The following ZBTB16 variants were observed in gnomAD, a reference collection of about 807,000 sequenced individuals.
ZBTB16 encodes the protein zinc finger and BTB domain-containing protein 16.
A neutral mutation model predicts 56.8 loss-of-function variants in ZBTB16; 8 were observed. The observed-to-expected ratio is 0.14, with a 90% CI of 0.08 to 0.25. The LOEUF is 0.25. Ranked by LOEUF, ZBTB16 falls within the 10% of genes least tolerant of loss-of-function variation. The pLI, the probability that ZBTB16 is intolerant of heterozygous loss-of-function variation, is 1.00. For synonymous variants in ZBTB16, 363 were observed against 368.5 expected (o/e 0.98, Z 0.17); for missense variants, 625 against 903.0 (o/e 0.69, Z 3.95).
chr11:114,138,749 G>T (rs1384618807), intron 2 of ZBTB16, among the ~76,000 whole-genome samples: 1 of 151,742 alleles, frequency 6.6e-6, no homozygotes, highest in Non-Finnish European at 1.5e-5. Flanking sequence ...GGAGTGCAGT[G>T]GTGCGATCTC....
chr11:114,118,628 T>A lies in ZBTB16; in HGVS notation c.1269-37709T>A, dbSNP rs116128411. Among the ~76,000 whole-genome samples the A allele has an allele frequency of 9.5e-3, 1,442 of 152,270 alleles. 19 individuals carry two copies. Among genetic ancestry groups the A allele is most frequent in the African/African-American group, 0.033 (1,364 of 41,526 alleles). ...ATATCTATTATGGAATCTTAGCACT[T>A]GGGGATCACACAATTTGTTATCTTT... On this transcript the variant is annotated intron_variant, in intron 2 of 6. Transcript: ENST00000335953.
chr11:114,094,434 C>T (rs1318171793), intron 2 of ZBTB16, among the ~76,000 whole-genome samples: 1 of 152,168 alleles, frequency 6.6e-6, no homozygotes, highest in Non-Finnish European at 1.5e-5. Context: ...TGGAATAGGC[C>T]ACTTTGGAAG....
chr11:114,208,934 A>T (rs192089256), intron 4 of ZBTB16, among the ~76,000 whole-genome samples: 3 of 152,354 alleles, frequency 2.0e-5, no homozygotes. Context: ...CAGATTCCAC[A>T]GGCAAACCAT....
chr11:114,205,577 G>GT (rs1170625354), intron 4 of ZBTB16, among the ~76,000 whole-genome samples: 1 of 152,134 alleles, frequency 6.6e-6, no homozygotes, highest in African/African-American at 2.4e-5. Flanking sequence ...TGGGACGCAC[G>GT]TTCCCCTCAA....
At chr11:114,164,106 A>G (rs1015257939) in intron 3 of ZBTB16, among the ~76,000 whole-genome samples, 1 of 152,124 alleles carries the variant, frequency 6.6e-6, no homozygotes, top group Non-Finnish European at 1.5e-5. Context: ...TTGGAGTTTT[A>G]TGGGCTGTAC....
At chr11:114,114,318 C>A (rs1002801588) in intron 2 of ZBTB16, among the ~76,000 whole-genome samples, 7 of 152,096 alleles carry the variant, frequency 4.6e-5, no homozygotes, top group African/African-American at 1.4e-4. Context: ...GGGAGGGAAA[C>A]CTGACTGGGG....
At chr11:114,156,538 C>T (rs1349008519) in intron 3 of ZBTB16, 104 bp downstream of exon 3, 16 of 1,049,562 alleles carry the variant, frequency 1.5e-5, no homozygotes, top group South Asian at 6.5e-5. Context: ...CCCCACTGCC[C>T]GCTGGGGCCC....
rs1396730539 is a variant in ZBTB16 at position 114,250,348 on chromosome 11, G to A, written c.1815G>A (p.Lys605=). Residue 605 remains lysine, a synonymous_variant, in exon 7 of 7, where the codon AAG becomes AAA. Transcript: ENST00000335953. The surrounding 1 kb of genome is among the most constrained non-coding windows in gnomAD (Gnocchi z 6.0). ...CAGGTGAGAAGCCCTTTGAGTGTAA[G>A]CTCTGCCACCAGCGCTCCCGGGACT... ...VHTGEKPFEC[K]LCHQRSRDYS... 1 of 1,613,286 alleles carries A rather than the reference G, an allele frequency of 6.2e-7. No homozygotes were observed. Among genetic ancestry groups the A allele is most frequent in the Non-Finnish European group, 8.5e-7 (1 of 1,180,028 alleles).
chr11:114,094,271 T>C (rs1940298987), intron 2 of ZBTB16, among the ~76,000 whole-genome samples: 1 of 152,082 alleles, frequency 6.6e-6, no homozygotes. Flanking sequence ...GCTGAGGTTG[T>C]GCCACTGCAC....
At chr11:114,139,323 A>T (rs573514630) in intron 2 of ZBTB16, among the ~76,000 whole-genome samples, 2 of 152,200 alleles carry the variant, frequency 1.3e-5, no homozygotes, top group African/African-American at 4.8e-5. Context: ...CTGGCATCTC[A>T]TGACTTCCTG....
At chr11:114,168,774 C>A (rs1262053971) in intron 3 of ZBTB16, among the ~76,000 whole-genome samples, 1 of 152,176 alleles carries the variant, frequency 6.6e-6, no homozygotes, top group Admixed American at 6.5e-5. Context: ...GAGCTGAGAC[C>A]AGGAAGGCCC....
chr11:114,246,159 G>A (rs575410629), intron 5 of ZBTB16, among the ~76,000 whole-genome samples: 1 of 152,314 alleles, frequency 6.6e-6, no homozygotes, highest in Admixed American at 6.5e-5. Flanking sequence ...TCCTGGGTCT[G>A]TTCTGGATCC....
intron 4 of ZBTB16, among the ~76,000 whole-genome samples, chr11:114,194,034 G>T (rs575602433): frequency 6.6e-6 from 1 of 152,134 alleles, no homozygotes; most frequent in Non-Finnish European, 1.5e-5. Context: ...GATTGGTTCC[G>T]GGTGATCCTG....
chr11:114,146,467 C>T (rs922916365), intron 2 of ZBTB16, among the ~76,000 whole-genome samples: 2 of 152,154 alleles, frequency 1.3e-5, no homozygotes, highest in African/African-American at 4.8e-5. Context: ...CTGTCCATGT[C>T]AGCCACAGGG....
chr11:114,230,009 C>T (rs943964021), intron 4 of ZBTB16, among the ~76,000 whole-genome samples: 3 of 152,044 alleles, frequency 2.0e-5, no homozygotes, highest in African/African-American at 4.8e-5. Flanking sequence ...TGTGGCCCAG[C>T]GGAGAAGGCC....
At chr11:114,094,239 CG>C (rs11330327) in intron 2 of ZBTB16, among the ~76,000 whole-genome samples, 84,245 of 151,890 alleles carry the variant, frequency 0.55, 27,492 homozygotes, top group Non-Finnish European at 0.74. Flanking sequence ...GGCGTGAACC[CG>C]GGAGGCAGAG....
At chr11:114,200,639 C>T (rs545797940) in intron 4 of ZBTB16, among the ~76,000 whole-genome samples, 1 of 152,278 alleles carries the variant, frequency 6.6e-6, no homozygotes, top group Admixed American at 6.5e-5. Context: ...TCACCGTCCT[C>T]ACTGGTCTGA....
At position 114,250,355 on chromosome 11, in the gene ZBTB16, C is replaced by T; in HGVS notation, c.1822C>T (p.His608Tyr). 1 of 1,613,610 alleles carries T rather than the reference C, an allele frequency of 6.2e-7. No individual in the cohort carries two copies. Among genetic ancestry groups the T allele is most frequent in the Non-Finnish European group, 8.5e-7 (1 of 1,180,036 alleles). ...GEKPFECKLC[H>Y]QRSRDYSAMI... ...GAAGCCCTTTGAGTGTAAGCTCTGC[C>T]ACCAGCGCTCCCGGGACTACTCGGC... Residue 608 changes from histidine (H) to tyrosine (Y), a missense_variant, in exon 7 of 7, where the codon CAC (histidine) becomes TAC (tyrosine). Coordinates refer to ENST00000335953, the MANE Select transcript of ZBTB16 (RefSeq NM_006006.6). The surrounding 1 kb of genome is among the most constrained non-coding windows in gnomAD (Gnocchi z 6.0).
At chr11:114,124,572 A>G (rs1313381624) in intron 2 of ZBTB16, among the ~76,000 whole-genome samples, 1 of 147,926 alleles carries the variant, frequency 6.8e-6, no homozygotes, top group Non-Finnish European at 1.5e-5. Flanking sequence ...AAAAAAAAAA[A>G]CAAAAACAAA....
Sources: gnomAD v4.1 joint callset for allele counts (sites outside exome capture counted in the v4.1 genomes callset) on GRCh38, gnomAD v4.1.1 for gene constraint, Gnocchi (gnomAD v3.1) non-coding constraint, MANE v1.5 for transcripts, NCBI Gene and HGNC (gene_info 2026-07-23, HGNC 2026-07-21) for gene names.